The following MYT1L variants were observed in gnomAD, a reference collection of about 807,000 sequenced individuals.
MYT1L encodes the protein myelin transcription factor 1 like.
Under a neutral mutation model 126.7 loss-of-function variants are expected in MYT1L, and 12 were observed. The ratio of observed to expected loss-of-function variants is 0.09; its 90% CI spans 0.06 to 0.15. The LOEUF (loss-of-function observed/expected upper bound fraction) is 0.15. MYT1L is among the 10% of genes least tolerant of loss of function. The pLI, the probability that MYT1L is intolerant of heterozygous loss-of-function variation, is 1.00. For missense variants in MYT1L, 979 were observed against 1,585.2 expected (o/e 0.62, Z 6.49); for synonymous variants, 541 against 604.2 (o/e 0.90, Z 1.53).
intron 8 of MYT1L, among the ~76,000 whole-genome samples, chr2:1,944,491 T>C (rs1231770535): frequency 6.6e-6 from 1 of 152,130 alleles, no homozygotes; most frequent in African/African-American, 2.4e-5. Flanking sequence ...GTGTGGCCTC[T>C]CTCACTGGCC....
At chr2:1,814,058 C>T (rs2037240504) in intron 21 of MYT1L, among the ~76,000 whole-genome samples, 1 of 150,290 alleles carries the variant, frequency 6.7e-6, no homozygotes, top group Admixed American at 6.6e-5. Flanking sequence ...GAAAAATTAG[C>T]TTCCATGAAA....
At chr2:1,995,263 C>T (rs2061738954) in intron 5 of MYT1L, among the ~76,000 whole-genome samples, 1 of 152,004 alleles carries the variant, frequency 6.6e-6, no homozygotes, top group Admixed American at 6.5e-5. Flanking sequence ...GTGGAAGAAC[C>T]CGGAAAATGC....
At position 1,792,432 on chromosome 2, in the gene MYT1L, G is replaced by A. The variant is rs1400522796; in HGVS notation, c.3309C>T (p.Ile1103=). 2 of 1,613,750 alleles carry A rather than the reference G, an allele frequency of 1.2e-6. No homozygotes were observed. Among genetic ancestry groups the A allele is most frequent in the Admixed American group, 3.3e-5 (2 of 59,996 alleles). ...GCTCAATCACTTTGTTCTCCTCTTC[G>A]ATGGTCTTCAGGTTGCTCTCCATCG... is the stretch of plus-strand genomic sequence containing the variant. ...ITTMESNLKT[I]EEENKVIEQQ... is the part of the protein sequence containing the mutation. Residue 1103 remains isoleucine (I), a synonymous_variant, in exon 24 of 25, where the codon ATC becomes ATT. Transcript: ENST00000647738.
At chr2:2,185,203 A>G (rs2091986963) in intron 2 of MYT1L, among the ~76,000 whole-genome samples, 1 of 152,210 alleles carries the variant, frequency 6.6e-6, no homozygotes, top group Admixed American at 6.5e-5. Flanking sequence ...AGACTTAAAA[A>G]TAATAATAAT....
chr2:2,240,924 T>C (rs1032538404), intron 2 of MYT1L, among the ~76,000 whole-genome samples: 2 of 152,174 alleles, frequency 1.3e-5, no homozygotes, highest in African/African-American at 4.8e-5. Context: ...ATCAGAATAA[T>C]GCCCTGATTT....
intron 1 of MYT1L, among the ~76,000 whole-genome samples, chr2:2,295,773 G>T (rs939695148): frequency 1.4e-5 from 2 of 141,086 alleles, no homozygotes; most frequent in African/African-American, 5.3e-5. Flanking sequence ...CAGACAGAGA[G>T]AGAGATAGAG....
intron 2 of MYT1L, among the ~76,000 whole-genome samples, chr2:2,265,007 A>G (rs1020231709): frequency 6.6e-6 from 1 of 152,066 alleles, no homozygotes; most frequent in South Asian, 2.1e-4. Flanking sequence ...CATCTTGAGC[A>G]ACTAAAATTC....
intron 2 of MYT1L, among the ~76,000 whole-genome samples, chr2:2,276,811 A>G (rs574358162): frequency 6.6e-6 from 1 of 151,820 alleles, no homozygotes; most frequent in Non-Finnish European, 1.5e-5. Context: ...TTGCCTCCAT[A>G]TCAGATGCTG....
At chr2:1,911,131 C>T (rs1181200006) in intron 12 of MYT1L, among the ~76,000 whole-genome samples, 1 of 152,188 alleles carries the variant, frequency 6.6e-6, no homozygotes, top group African/African-American at 2.4e-5. Context: ...GAACAGCACA[C>T]AGCACGCACC....
intron 4 of MYT1L, among the ~76,000 whole-genome samples, chr2:2,052,659 C>T (rs1428493566): frequency 6.6e-6 from 1 of 152,158 alleles, no homozygotes; most frequent in African/African-American, 2.4e-5. Flanking sequence ...CCCATAAACA[C>T]ATGGAAAGAT....
rs115899928 is a variant in MYT1L at position 2,223,787 on chromosome 2, T to C, written c.-420-50799A>G. 5.0e-3 allele frequency among the ~76,000 whole-genome samples: 761 copies of C among 152,336 alleles called. 4 individuals carry two copies. The highest frequency in any genetic ancestry group is 0.018 in the African/African-American group (729 of 41,570). ...CATATTTTATGTTTCCATTTTCATT[T>C]TGGAATGTTTTAAACTTTTTCTTCT... On this transcript the variant is annotated intron_variant, in intron 2 of 24. Transcript: ENST00000647738.
At chr2:2,160,741 C>A (rs907666129) in intron 3 of MYT1L, among the ~76,000 whole-genome samples, 4 of 152,108 alleles carry the variant, frequency 2.6e-5, no homozygotes, top group African/African-American at 9.7e-5. Context: ...TGTTAAATGG[C>A]ACCAAAGAAG....
intron 2 of MYT1L, among the ~76,000 whole-genome samples, chr2:2,226,146 C>T (rs955936095): frequency 8.5e-5 from 13 of 152,108 alleles, no homozygotes; most frequent in African/African-American, 2.7e-4. Context: ...AAAGCAAAGG[C>T]CAGAACCCAC....
At chr2:2,009,793 G>A (rs1257981815) in intron 4 of MYT1L, among the ~76,000 whole-genome samples, 1 of 152,060 alleles carries the variant, frequency 6.6e-6, no homozygotes, top group Non-Finnish European at 1.5e-5. Context: ...CTGGATCTTA[G>A]TGGCAAAGTT....
intron 2 of MYT1L, among the ~76,000 whole-genome samples, chr2:2,223,755 T>C (rs2149002522): frequency 6.6e-6 from 1 of 152,370 alleles, no homozygotes; most frequent in Non-Finnish European, 1.5e-5. Context: ...GAAAAATATC[T>C]ACCCAGCATA....
At position 2,142,460 on chromosome 2, in the gene MYT1L, G is replaced by A. The variant is rs116416005; in HGVS notation, c.-304+30412C>T. ...ACTGAGTTTGTGAGTTTGTTGTTAT[G>A]CGAATACCACCAGGATCTCTGCATA... is the stretch of plus-strand genomic sequence containing the variant. On this transcript the variant is annotated intron_variant, in intron 3 of 24. Coordinates refer to ENST00000647738, the MANE Select transcript of MYT1L (RefSeq NM_001303052.2). Among the ~76,000 whole-genome samples, 920 of 152,116 alleles carry A rather than the reference G, an allele frequency of 6.0e-3. 11 individuals carry two copies. Among genetic ancestry groups the A allele is most frequent in the African/African-American group, 0.021 (885 of 41,492 alleles).
intron 3 of MYT1L, among the ~76,000 whole-genome samples, chr2:2,083,129 C>A (rs2076008824): frequency 6.6e-6 from 1 of 152,192 alleles, no homozygotes; most frequent in East Asian, 1.9e-4. Flanking sequence ...TGGAAGGTGT[C>A]TTCACTGGTT....
chr2:2,136,141 C>T (rs1205870680), intron 3 of MYT1L, among the ~76,000 whole-genome samples: 1 of 152,120 alleles, frequency 6.6e-6, no homozygotes, highest in Non-Finnish European at 1.5e-5. Context: ...ACCAAACACC[C>T]TAGCTCTCAC....
intron 20 of MYT1L, 61 bp from the exon 21 acceptor site, chr2:1,839,431 T>A: frequency 6.8e-7 from 1 of 1,459,924 alleles, no homozygotes; most frequent in Non-Finnish European, 9.5e-7. Flanking sequence ...GTGGCTTCTG[T>A]AACAAAGTCA....
Sources: allele counts gnomAD v4.1 joint callset (sites outside exome capture counted in the v4.1 genomes callset), GRCh38; gene constraint gnomAD v4.1.1; transcripts MANE v1.5; gene names NCBI Gene and HGNC (gene_info 2026-07-23, HGNC 2026-07-21).